TENM4: variants seen among roughly 807,000 people sequenced by gnomAD.
The protein encoded by TENM4 is teneurin transmembrane protein 4, also known as teneurin-4.
Under a neutral mutation model 243.3 loss-of-function variants are expected in TENM4, and 82 were observed. The ratio of observed to expected loss-of-function variants is 0.34; its 90% confidence interval spans 0.28 to 0.40. The LOEUF (loss-of-function observed/expected upper bound fraction) is 0.40. Ranked by LOEUF, TENM4 falls within the 10% of genes least tolerant of loss-of-function variation. The pLI, the probability that TENM4 is intolerant of heterozygous loss-of-function variation, is 1.00. For missense variants in TENM4, 3,138 were observed against 3,673.3 expected, an observed-to-expected ratio of 0.85 and a Z score of 3.77; for synonymous variants, 1,412 against 1,456.3, an observed-to-expected ratio of 0.97 and a Z score of 0.69.
At chr11:79,025,642 C>A (rs1255324752) in intron 6 of TENM4, among the ~76,000 whole-genome samples, 1 of 152,132 alleles carries the variant, frequency 6.6e-6, no homozygotes, top group Non-Finnish European at 1.5e-5. Context: ...TGTGTAAGGT[C>A]CCATGGGCAG....
chr11:79,307,771 C>T lies in TENM4; in HGVS notation c.-320-10228G>A, dbSNP rs117188552. ...CTTCTCTGCAAAAGAACAAGAATTG[C>T]CCAGGCCCCCCAGATCCAAGATTCC... On this transcript the variant is annotated intron_variant, in intron 1 of 33. Transcript: ENST00000278550. 3.2e-4 allele frequency among the ~76,000 whole-genome samples: 49 copies of T among 152,318 alleles called. No individual in the cohort carries two copies. The East Asian group carries it at 9.1e-3, about 28-fold the overall frequency.
intron 6 of TENM4, among the ~76,000 whole-genome samples, chr11:78,960,799 G>A (rs1331895644): frequency 2.0e-5 from 3 of 152,210 alleles, no homozygotes; most frequent in African/African-American, 7.2e-5. Flanking sequence ...GAGAAAAGAT[G>A]GCATCTGACA....
chr11:79,231,090 A>G (rs1213767945), intron 2 of TENM4, among the ~76,000 whole-genome samples: 2 of 152,232 alleles, frequency 1.3e-5, no homozygotes, highest in African/African-American at 4.8e-5. Flanking sequence ...ATTTTATTTT[A>G]TAATTCTGCA....
chr11:78,744,183 T>G (rs1855994372), intron 19 of TENM4, among the ~76,000 whole-genome samples: 1 of 152,216 alleles, frequency 6.6e-6, no homozygotes, highest in Non-Finnish European at 1.5e-5. Flanking sequence ...TGAAGGTGTT[T>G]CCAGTCACAG....
At chr11:78,893,180 G>C (rs73500633) in intron 7 of TENM4, among the ~76,000 whole-genome samples, 3 of 152,220 alleles carry the variant, frequency 2.0e-5, no homozygotes, top group Non-Finnish European at 4.4e-5. Flanking sequence ...GTGCCTGGGA[G>C]GAGCTTCAGA....
chr11:78,901,285 A>T (rs1319562291), intron 7 of TENM4, among the ~76,000 whole-genome samples: 2 of 152,178 alleles, frequency 1.3e-5, no homozygotes, highest in Non-Finnish European at 2.9e-5. Context: ...GACAAATAAA[A>T]ATGATTTTCT....
chr11:78,902,019 G>T (rs1855938967), intron 7 of TENM4, among the ~76,000 whole-genome samples: 1 of 152,154 alleles, frequency 6.6e-6, no homozygotes, highest in Non-Finnish European at 1.5e-5. Context: ...TTCACATGCA[G>T]GTTAATTTTA....
chr11:78,961,808 T>G (rs891123763), intron 6 of TENM4, among the ~76,000 whole-genome samples: 1 of 151,316 alleles, frequency 6.6e-6, no homozygotes, highest in Non-Finnish European at 1.5e-5. Context: ...TCTGTCTGTG[T>G]CAATCTTTGT....
At chr11:79,377,296 A>G (rs1180530625) in intron 1 of TENM4, among the ~76,000 whole-genome samples, 3 of 152,224 alleles carry the variant, frequency 2.0e-5, no homozygotes, top group Non-Finnish European at 4.4e-5. Flanking sequence ...ATTGTTCTAC[A>G]TCACCAAGTT....
intron 4 of TENM4, among the ~76,000 whole-genome samples, chr11:79,146,254 C>T (rs1267581655): frequency 6.6e-6 from 1 of 152,074 alleles, no homozygotes; most frequent in Non-Finnish European, 1.5e-5. Flanking sequence ...TAGCCTGTGG[C>T]ATCCACACCA....
In TENM4 at chr11:79,440,715, G is replaced by C. The variant is rs1004343315; in HGVS notation, c.-527C>G. ...CTCCCGCGGGGAGCGGAGCCCCAGC[G>C]AGCCTCCAGCCGCGCGCGCACGACC... On this transcript the variant is annotated 5_prime_UTR_variant, in exon 1 of 34. Transcript: ENST00000278550. The surrounding 1 kb of genome is among the most constrained non-coding windows in gnomAD (Gnocchi z 4.7). 1.3e-5 allele frequency: 2 copies of C among 152,318 alleles called. No homozygotes were observed. Among genetic ancestry groups the C allele is most frequent in the Admixed American group, 6.5e-5 (1 of 15,284 alleles). 9.4% of individuals were successfully genotyped at this position (152,318 alleles called of 1,614,324 possible).
At chr11:79,353,968 C>T (rs946510440) in intron 1 of TENM4, among the ~76,000 whole-genome samples, 2 of 152,216 alleles carry the variant, frequency 1.3e-5, no homozygotes, top group African/African-American at 4.8e-5. Flanking sequence ...AAAATATTTA[C>T]TTTGTGAGTC....
At chr11:78,730,224 G>A (rs1855621398) in intron 21 of TENM4, among the ~76,000 whole-genome samples, 1 of 152,232 alleles carries the variant, frequency 6.6e-6, no homozygotes. Flanking sequence ...TGGTGGTGGT[G>A]CTGGCAGGAG....
Position 79,124,848 on chromosome 11 carries a change from CAT to C in TENM4, c.-66+23860_-66+23861del, listed in dbSNP as rs1861833971. Among the ~76,000 whole-genome samples the C allele has an allele frequency of 6.7e-5, 7 of 104,956 alleles. No homozygotes were observed. The South Asian group carries it at 2.2e-3, about 33-fold the overall frequency. The allele number at this position is 104,956 out of a possible 152,430, so 68.9% of individuals were successfully genotyped here. Reference sequence around the variant, plus strand: ...ATGTATGTGTGTGTATATATATACACATATGTATATATATGTATATGTATGTG... The same window carrying C: ...ATGTATGTGTGTGTATATATATACACATGTATATATATGTATATGTATGTG... On this transcript the variant is annotated intron_variant, in intron 4 of 33. Coordinates refer to ENST00000278550, the MANE Select transcript of TENM4 (RefSeq NM_001098816.3).
intron 4 of TENM4, among the ~76,000 whole-genome samples, chr11:79,089,608 TCCC>T (rs1860898411): frequency 6.6e-6 from 1 of 152,080 alleles, no homozygotes; most frequent in Non-Finnish European, 1.5e-5. Context: ...CATATCCTCA[TCCC>T]AATGGTTCAG....
At chr11:79,075,229 C>T (rs999136788) in intron 4 of TENM4, among the ~76,000 whole-genome samples, 1 of 152,212 alleles carries the variant, frequency 6.6e-6, no homozygotes, top group African/African-American at 2.4e-5. Context: ...TGATGAAGAG[C>T]CTGCGGCTTA....
intron 12 of TENM4, among the ~76,000 whole-genome samples, chr11:78,831,114 A>C (rs1162761643): frequency 2.0e-5 from 3 of 152,238 alleles, no homozygotes; most frequent in Admixed American, 6.5e-5. Flanking sequence ...TGCAGATCCC[A>C]AAACTGTCAG....
intron 12 of TENM4, among the ~76,000 whole-genome samples, chr11:78,834,544 A>G (rs2136155432): frequency 6.6e-6 from 1 of 152,308 alleles, no homozygotes; most frequent in South Asian, 2.1e-4. Flanking sequence ...AGGCACTACC[A>G]GAGTCTTTTG....
chr11:79,104,136 A>G (rs1163259541), intron 4 of TENM4, among the ~76,000 whole-genome samples: 1 of 152,096 alleles, frequency 6.6e-6, no homozygotes, highest in East Asian at 1.9e-4. Flanking sequence ...CTGCTCTGTC[A>G]GTTTTTCTCA....
Sources: allele counts gnomAD v4.1 joint callset (sites outside exome capture counted in the v4.1 genomes callset), GRCh38; gene constraint gnomAD v4.1.1; non-coding constraint Gnocchi (gnomAD v3.1); transcripts MANE v1.5; gene names NCBI Gene and HGNC (gene_info 2026-07-23, HGNC 2026-07-21).